The following SNPH variants were observed in gnomAD, a reference collection of about 807,000 sequenced individuals.
The protein encoded by SNPH is syntaphilin.
In SNPH, 10 loss-of-function variants were observed where a neutral mutation model predicts 36.8. The observed-to-expected ratio is 0.27, with a 90% confidence interval of 0.17 to 0.46. SNPH has a LOEUF of 0.46. Among genes scored for constraint, SNPH ranks in the 20% least tolerant of loss-of-function variants. The pLI is 1.00. For missense variants in SNPH, 622 were observed against 744.0 expected (o/e 0.84, Z 1.91); for synonymous variants, 281 against 312.2 (o/e 0.90, Z 1.05).
At chr20:1,280,869 C>G (rs2088209124) in intron 2 of SNPH, among the ~76,000 whole-genome samples, 2 of 152,144 alleles carry the variant, frequency 1.3e-5, no homozygotes, top group South Asian at 4.1e-4. Flanking sequence ...GGGAAGACTC[C>G]AAGCCTCTGA....
At position 1,295,250 on chromosome 20, in the gene SNPH, C is replaced by T. The variant is rs185012637; in HGVS notation, c.-465+272C>T. On this transcript the variant is annotated intron_variant, in intron 3 of 6. Coordinates refer to ENST00000381867, the MANE Select transcript of SNPH (RefSeq NM_001318234.2). ...CTAATACCCAGTATAGCCCTCCTCA[C>T]GACAGCCAAAATCCAGCCCAGCATG... 8.5e-4 allele frequency among the ~76,000 whole-genome samples: 130 copies of T among 152,294 alleles called. 1 individual carries two copies. The highest frequency in any genetic ancestry group is 2.7e-3 in the African/African-American group (114 of 41,560).
intron 2 of SNPH, among the ~76,000 whole-genome samples, chr20:1,274,625 CGGAGGAAGA>C (rs2088110113): frequency 6.6e-6 from 1 of 152,006 alleles, no homozygotes; most frequent in African/African-American, 2.4e-5. Context: ...GAAGGCTTCC[CGGAGGAAGA>C]GGAGGAACTA....
intron 2 of SNPH, among the ~76,000 whole-genome samples, chr20:1,268,225 T>C (rs761703930): frequency 6.6e-6 from 1 of 152,212 alleles, no homozygotes; most frequent in African/African-American, 2.4e-5. Flanking sequence ...CAAGGAGGAC[T>C]GTAGCCCAGC....
At position 1,300,663 on chromosome 20, in the gene SNPH, G is replaced by A. The variant is rs1436470178; in HGVS notation, c.392G>A (p.Arg131Gln). ...CTGCAGCAGAAGGAGGTGTGCATCC[G>A]GCACCTGAAAGCCCGGCTGAAGGAC... ...TPLQQKEVCI[R>Q]HLKARLKDTQ... The change falls in exon 6 of 7, where the codon CGG (arginine) becomes CAG (glutamine). Residue 131 changes from arginine (R) to glutamine (Q), a missense_variant. By Grantham distance (43) the Arg-to-Gln change is conservative (BLOSUM62 1). Transcript: ENST00000381867. The A allele has an allele frequency of 6.8e-6, 11 of 1,612,774 alleles. No homozygotes were observed. The highest frequency in any genetic ancestry group is 2.2e-5 in the East Asian group (1 of 44,886).
chr20:1,290,393 T>C (rs905472301), intron 2 of SNPH, among the ~76,000 whole-genome samples: 3 of 152,240 alleles, frequency 2.0e-5, no homozygotes, highest in African/African-American at 7.2e-5. Context: ...TTTCTGTCTG[T>C]GTGCATTTGC....
At chr20:1,292,055 TTTG>T (rs1374955090) in intron 2 of SNPH, among the ~76,000 whole-genome samples, 1 of 152,234 alleles carries the variant, frequency 6.6e-6, no homozygotes, top group African/African-American at 2.4e-5. Context: ...AATCTGACTC[TTTG>T]GTCTATTCAA....
At chr20:1,302,742 A>G (rs192103237) in intron 6 of SNPH, among the ~76,000 whole-genome samples, 8 of 152,372 alleles carry the variant, frequency 5.3e-5, no homozygotes, top group Non-Finnish European at 1.0e-4. Flanking sequence ...GCATGACCAC[A>G]TCGTTCTTGA....
At chr20:1,287,724 A>C (rs1301293858) in intron 2 of SNPH, among the ~76,000 whole-genome samples, 1 of 152,200 alleles carries the variant, frequency 6.6e-6, no homozygotes, top group African/African-American at 2.4e-5. Context: ...ATCTGGAAAA[A>C]ATGAGAATTT....
At chr20:1,281,706 A>G (rs1255002837) in intron 2 of SNPH, among the ~76,000 whole-genome samples, 5 of 152,266 alleles carry the variant, frequency 3.3e-5, no homozygotes, top group Non-Finnish European at 7.3e-5. Flanking sequence ...TGAGTTCTGC[A>G]GAGAAGCCCC....
intron 2 of SNPH, among the ~76,000 whole-genome samples, chr20:1,282,392 A>G (rs1316628554): frequency 6.6e-6 from 1 of 152,266 alleles, no homozygotes; most frequent in African/African-American, 2.4e-5. Context: ...AATACTTTTT[A>G]TAAAGGATAT....
chr20:1,281,955 G>A (rs2088230050), intron 2 of SNPH, among the ~76,000 whole-genome samples: 1 of 152,258 alleles, frequency 6.6e-6, no homozygotes, highest in African/African-American at 2.4e-5. Context: ...ATTGCCATGG[G>A]GCAGAGGGTG....
chr20:1,267,488 C>T (rs568544239), intron 2 of SNPH, among the ~76,000 whole-genome samples: 89 of 152,326 alleles, frequency 5.8e-4, no homozygotes, highest in African/African-American at 2.1e-3. Flanking sequence ...AAAAGGTGAT[C>T]TCTGCAGGCA....
intron 2 of SNPH, among the ~76,000 whole-genome samples, chr20:1,278,609 C>T (rs1354302288): frequency 6.6e-6 from 1 of 152,114 alleles, no homozygotes; most frequent in Non-Finnish European, 1.5e-5. Flanking sequence ...ATATAATATG[C>T]ACATTTTTGG....
At chr20:1,299,044 C>T (rs2088474683) in intron 5 of SNPH, among the ~76,000 whole-genome samples, 1 of 151,890 alleles carries the variant, frequency 6.6e-6, no homozygotes, top group African/African-American at 2.4e-5. Flanking sequence ...GACTCCTCCG[C>T]CCCTTGCCAA....
Position 1,307,770 on chromosome 20 carries a change from C to A in SNPH, c.*1716C>A, listed in dbSNP as rs2088600106. 6.6e-6 allele frequency: 1 copy of A among 152,472 alleles called. No homozygotes were observed. Among genetic ancestry groups the A allele is most frequent in the African/African-American group, 2.4e-5 (1 of 41,472 alleles). 9.4% of individuals were successfully genotyped at this position (152,472 alleles called of 1,614,324 possible). ...CACGCTTTGTGCCTCCAAAGCTCCCCCCGCCTTGGTCAGGGCCTCAGACCA... is the reference window on the plus strand; with the variant it reads ...CACGCTTTGTGCCTCCAAAGCTCCCACCGCCTTGGTCAGGGCCTCAGACCA... On this transcript the variant is annotated 3_prime_UTR_variant, in exon 7 of 7. Coordinates refer to ENST00000381867, the MANE Select transcript of SNPH (RefSeq NM_001318234.2).
intron 2 of SNPH, among the ~76,000 whole-genome samples, chr20:1,288,239 T>C (rs2088307391): frequency 6.6e-6 from 1 of 152,214 alleles, no homozygotes; most frequent in African/African-American, 2.4e-5. Context: ...GTAATAGTGA[T>C]AGCAAGAAAT....
chr20:1,289,827 C>T (rs1459219880), intron 2 of SNPH, among the ~76,000 whole-genome samples: 1 of 151,652 alleles, frequency 6.6e-6, no homozygotes, highest in East Asian at 1.9e-4. Flanking sequence ...AAGACCCTGG[C>T]TCTAAAAAAA....
In SNPH at chr20:1,306,491, T is replaced by C. The variant is rs566666568; in HGVS notation, c.*437T>C. 5.2e-4 allele frequency: 82 copies of C among 157,150 alleles called. 1 individual carries two copies. Among genetic ancestry groups the C allele is most frequent in the South Asian group, 1.4e-3 (7 of 4,892 alleles). The allele number at this position is 157,150 out of a possible 1,614,324, so 9.7% of individuals were successfully genotyped here. A position where few individuals can be genotyped will look rare whatever the true frequency, so the allele number is the denominator to read the frequency against. ...CCATGCCGTCTCTTCCAAGCCACCT[T>C]GCCCGCAGCCCAGGCTCCTGGGCCA... On this transcript the variant is annotated 3_prime_UTR_variant, in exon 7 of 7. Transcript: ENST00000381867.
At chr20:1,299,544 CCTGACTGCCCT>C in intron 5 of SNPH, among the ~76,000 whole-genome samples, 1 of 152,368 alleles carries the variant, frequency 6.6e-6, no homozygotes, top group South Asian at 2.1e-4. Context: ...TCCACTGGCA[CCTGACTGCCCT>C]CTGGGTGGAA....
Sources: allele counts gnomAD v4.1 joint callset (sites outside exome capture counted in the v4.1 genomes callset), GRCh38; gene constraint gnomAD v4.1.1; transcripts MANE v1.5; gene names NCBI Gene and HGNC (gene_info 2026-07-23, HGNC 2026-07-21).